EFCAB6: variants seen among roughly 807,000 people sequenced by gnomAD.
EFCAB6 encodes EF-hand calcium-binding domain-containing protein 6.
Under a neutral mutation model 169.8 loss-of-function variants are expected in EFCAB6, and 156 were observed. The observed-to-expected ratio is 0.92, with a 90% CI of 0.81 to 1.05. The LOEUF (loss-of-function observed/expected upper bound fraction) is 1.05. Among genes scored for constraint, EFCAB6 ranks in the 50% least tolerant of loss-of-function variants. The pLI, the probability that EFCAB6 is intolerant of heterozygous loss-of-function variation, is 0.00. For synonymous variants in EFCAB6, 698 were observed against 676.4 expected (o/e 1.03, Z -0.50); for missense variants, 1,800 against 1,829.1 (o/e 0.98, Z 0.29).
chr22:43,811,047 G>A (rs980508299), intron 1 of EFCAB6, among the ~76,000 whole-genome samples: 1 of 151,966 alleles, frequency 6.6e-6, no homozygotes, highest in African/African-American at 2.4e-5. Flanking sequence ...AGGCCAAGGC[G>A]GGCGGATGGA....
chr22:43,551,107 A>G (rs2048354628), intron 27 of EFCAB6, among the ~76,000 whole-genome samples: 2 of 152,232 alleles, frequency 1.3e-5, no homozygotes, highest in South Asian at 4.1e-4. Context: ...GTAATTTAAT[A>G]TGGTTGAACT....
chr22:43,651,575 G>A (rs2056470320), intron 17 of EFCAB6, among the ~76,000 whole-genome samples: 1 of 152,250 alleles, frequency 6.6e-6, no homozygotes, highest in Non-Finnish European at 1.5e-5. Context: ...TAGTGGAGCT[G>A]TGAGAAGAGG....
At chr22:43,634,893 A>G (rs1302832970) in intron 18 of EFCAB6, among the ~76,000 whole-genome samples, 4 of 152,088 alleles carry the variant, frequency 2.6e-5, no homozygotes, top group Admixed American at 2.0e-4. Context: ...TTTGTAGAAG[A>G]CTCTTTCAGG....
At chr22:43,564,355 T>C (rs1047386993) in intron 26 of EFCAB6, among the ~76,000 whole-genome samples, 4 of 150,828 alleles carry the variant, frequency 2.7e-5, no homozygotes, top group Non-Finnish European at 5.9e-5. Context: ...AGCTGAGACA[T>C]GAGAATCGCT....
intron 5 of EFCAB6, among the ~76,000 whole-genome samples, chr22:43,761,759 T>A (rs1434641440): frequency 6.6e-6 from 1 of 152,184 alleles, no homozygotes; most frequent in East Asian, 1.9e-4. Flanking sequence ...CTATTGGATA[T>A]GACATCTATT....
chr22:43,557,495 G>T (rs1200698823), intron 26 of EFCAB6, among the ~76,000 whole-genome samples: 5 of 152,122 alleles, frequency 3.3e-5, no homozygotes, highest in Admixed American at 6.5e-5. Flanking sequence ...GGCCTGAATA[G>T]ACAGGTAACC....
chr22:43,764,738 A>G (rs1367090924), intron 5 of EFCAB6, among the ~76,000 whole-genome samples: 1 of 152,160 alleles, frequency 6.6e-6, no homozygotes, highest in Non-Finnish European at 1.5e-5. Flanking sequence ...CTAAAACAAT[A>G]TTTCCTAAAT....
At chr22:43,709,133 G>C (rs899896468) in intron 10 of EFCAB6, among the ~76,000 whole-genome samples, 2 of 152,016 alleles carry the variant, frequency 1.3e-5, no homozygotes, top group African/African-American at 4.8e-5. Context: ...CCAGGCTGGG[G>C]TGCAGTGGTG....
intron 17 of EFCAB6, among the ~76,000 whole-genome samples, chr22:43,653,548 C>G (rs2056586394): frequency 6.6e-6 from 1 of 152,004 alleles, no homozygotes; most frequent in Non-Finnish European, 1.5e-5. Flanking sequence ...ATCCTTACAA[C>G]AAGAAAAAAG....
At chr22:43,569,983 C>G (rs1053315448) in intron 26 of EFCAB6, 3 of 152,070 alleles carry the variant, frequency 2.0e-5, no homozygotes, top group Admixed American at 6.5e-5. Context: ...ACGTAGACAC[C>G]ATTATATTTA....
chr22:43,563,385 T>C (rs1296647494), intron 26 of EFCAB6, among the ~76,000 whole-genome samples: 1 of 152,032 alleles, frequency 6.6e-6, no homozygotes, highest in East Asian at 1.9e-4. Context: ...CTGGGCAACA[T>C]GACAAAACCC....
At chr22:43,634,965 G>T in intron 18 of EFCAB6, 137 bp downstream of exon 18, 1 of 649,382 alleles carries the variant, frequency 1.5e-6, no homozygotes. Context: ...ATGGTTGTTT[G>T]CAGCCCCAGA....
chr22:43,611,424 C>G (rs1192184451), intron 21 of EFCAB6, among the ~76,000 whole-genome samples: 1 of 152,054 alleles, frequency 6.6e-6, no homozygotes, highest in African/African-American at 2.4e-5. Flanking sequence ...CCATACTGTC[C>G]AAAGCAATTT....
At chr22:43,670,377 A>C (rs990546469) in intron 15 of EFCAB6, among the ~76,000 whole-genome samples, 4 of 152,236 alleles carry the variant, frequency 2.6e-5, no homozygotes, top group Non-Finnish European at 5.9e-5. Context: ...CCCAGGGCAC[A>C]TTCCCTACCT....
Position 43,537,583 on chromosome 22 carries a change from G to C in EFCAB6, c.3880-38C>G, listed in dbSNP as rs201681425. On this transcript the variant is annotated intron_variant, in intron 28 of 31. Transcript: ENST00000262726. The surrounding 1 kb of genome is among the most constrained non-coding windows in gnomAD (Gnocchi z 4.3). ...AAAAGAAAAGGCTCTTTTCACTTAA[G>C]ATTTAAAACGGAAGTCATCAAAAAT... is the stretch of plus-strand genomic sequence containing the variant. 6.4e-7 allele frequency: 1 copy of C among 1,567,122 alleles called. No homozygotes were observed. The highest frequency in any genetic ancestry group is 8.7e-7 in the Non-Finnish European group (1 of 1,152,780).
chr22:43,648,016 G>A (rs2056272184), intron 17 of EFCAB6, among the ~76,000 whole-genome samples: 1 of 152,074 alleles, frequency 6.6e-6, no homozygotes, highest in African/African-American at 2.4e-5. Context: ...ACTGCCCTAG[G>A]AAACTATTAG....
At chr22:43,793,596 G>T (rs755392874) in intron 2 of EFCAB6, among the ~76,000 whole-genome samples, 10 of 125,302 alleles carry the variant, frequency 8.0e-5, no homozygotes, top group Non-Finnish European at 1.8e-4. Context: ...GCAATATGTT[G>T]CAAAAGGAAA....
intron 23 of EFCAB6, among the ~76,000 whole-genome samples, chr22:43,591,132 T>G (rs1401648176): frequency 3.3e-5 from 5 of 150,982 alleles, no homozygotes; most frequent in African/African-American, 1.2e-4. Context: ...TTGTTTTTTT[T>G]TTGTTTTTTT....
At chr22:43,715,068 C>A (rs1046214256) in intron 9 of EFCAB6, among the ~76,000 whole-genome samples, 2 of 152,178 alleles carry the variant, frequency 1.3e-5, no homozygotes, top group Non-Finnish European at 2.9e-5. Context: ...AGTTTCATAG[C>A]AGAAAGCCAG....
Sources: gnomAD v4.1 joint callset for allele counts (sites outside exome capture counted in the v4.1 genomes callset) on GRCh38, gnomAD v4.1.1 for gene constraint, Gnocchi (gnomAD v3.1) non-coding constraint, MANE v1.5 for transcripts, NCBI Gene and HGNC (gene_info 2026-07-23, HGNC 2026-07-21) for gene names.